KIF26B: variants seen among roughly 807,000 people sequenced by gnomAD.
The protein encoded by KIF26B is kinesin family member 26B.
A neutral mutation model predicts 151.2 loss-of-function variants in KIF26B; 63 were observed. The observed-to-expected ratio is 0.42, with a 90% CI of 0.34 to 0.51. The LOEUF is 0.51. Among genes scored for constraint, KIF26B ranks in the 20% least tolerant of loss-of-function variants. The probability of loss-of-function intolerance (pLI) is 0.07; values close to 1 mark genes in which losing one functional copy is unlikely to be tolerated. For synonymous variants in KIF26B, 1,357 were observed against 1,262.1 expected (o/e 1.08, Z -1.59); for missense variants, 2,813 against 2,913.6 (o/e 0.97, Z 0.79).
At chr1:245,297,207 G>T (rs971256413) in intron 2 of KIF26B, among the ~76,000 whole-genome samples, 1 of 152,174 alleles carries the variant, frequency 6.6e-6, no homozygotes, top group Non-Finnish European at 1.5e-5. Flanking sequence ...GCCGGTCGTG[G>T]TGGCACACAC....
At chr1:245,501,022 TATGTG>T (rs1266601507) in intron 4 of KIF26B, among the ~76,000 whole-genome samples, 1 of 152,200 alleles carries the variant, frequency 6.6e-6, no homozygotes, top group Non-Finnish European at 1.5e-5. Context: ...TTACTATGCG[TATGTG>T]ATGTGTTATA....
intron 9 of KIF26B, among the ~76,000 whole-genome samples, chr1:245,621,204 C>T (rs1475364179): frequency 1.3e-5 from 2 of 152,140 alleles, no homozygotes; most frequent in African/African-American, 4.8e-5. Flanking sequence ...GGAGGAACTA[C>T]GACGGTGCGG....
At chr1:245,169,518 A>G (rs1361307491) in intron 2 of KIF26B, among the ~76,000 whole-genome samples, 1 of 152,182 alleles carries the variant, frequency 6.6e-6, no homozygotes, top group Non-Finnish European at 1.5e-5. Context: ...AGCATTCAGC[A>G]GAGAAGGATG....
intron 4 of KIF26B, among the ~76,000 whole-genome samples, chr1:245,443,993 G>C (rs1268561804): frequency 7.2e-6 from 1 of 139,222 alleles, no homozygotes; most frequent in East Asian, 2.1e-4. Flanking sequence ...CTCCCTCACT[G>C]TTCACCTAGA....
intron 2 of KIF26B, among the ~76,000 whole-genome samples, chr1:245,160,410 A>G (rs925925594): frequency 1.3e-5 from 2 of 152,208 alleles, no homozygotes; most frequent in East Asian, 3.9e-4. Flanking sequence ...TGGCAAGAGC[A>G]TCTTTCCTGC....
chr1:245,451,585 C>CTTTTTTTTTTTTTTTT (rs58192966), intron 4 of KIF26B, among the ~76,000 whole-genome samples: 21 of 58,756 alleles, frequency 3.6e-4, no homozygotes, highest in African/African-American at 1.1e-3. Flanking sequence ...GAAGATCTAT[C>CTTTTTTTTTTTTTTTT]TTTTTTTTTT....
rs187673490 is a variant in KIF26B at position 245,643,262 on chromosome 1, T to C, written c.2099-2859T>C. ...TCAAAATATTATTTTCTGTTTTCTA[T>C]TTGTCCCATCTGATCTTTGTTCTCT... On this transcript the variant is annotated intron_variant, in intron 9 of 14. Coordinates refer to ENST00000407071, the MANE Select transcript of KIF26B (RefSeq NM_018012.4). 2.6e-5 allele frequency among the ~76,000 whole-genome samples: 4 copies of C among 152,344 alleles called. No individual in the cohort carries two copies. The East Asian group carries it at 7.7e-4, about 29-fold the overall frequency.
rs955536801 is a variant in KIF26B at position 245,204,708 on chromosome 1, C to T, written c.465+48025C>T. On this transcript the variant is annotated intron_variant, in intron 2 of 14. Transcript: ENST00000407071. ...ATCTCTTAAATTTCTCTTATGGCTT[C>T]GTCTCAACCACAGAGCAAATAATCC... 1.2e-4 allele frequency among the ~76,000 whole-genome samples: 18 copies of T among 152,028 alleles called. 1 individual carries two copies. Among genetic ancestry groups the T allele is most frequent in the African/African-American group, 3.6e-4 (15 of 41,398 alleles).
Position 245,218,212 on chromosome 1 carries a change from G to C in KIF26B, c.465+61529G>C, listed in dbSNP as rs1466748094. Among the ~76,000 whole-genome samples the C allele has an allele frequency of 2.0e-5, 3 of 152,200 alleles. 1 individual carries two copies. The highest frequency in any genetic ancestry group is 2.9e-5 in the Non-Finnish European group (2 of 68,036). ...CCAGCTTTCATGTCACCAGAGCAGT[G>C]ACATTCGGGCCCTCGGGGGCAGACT... On this transcript the variant is annotated intron_variant, in intron 2 of 14. Coordinates refer to ENST00000407071, the MANE Select transcript of KIF26B (RefSeq NM_018012.4). This position sits in a 1 kb window ranked among gnomAD's most constrained non-coding sequence, Gnocchi z 4.1.
intron 4 of KIF26B, among the ~76,000 whole-genome samples, chr1:245,449,804 C>G (rs773638408): frequency 7.2e-5 from 11 of 152,166 alleles, no homozygotes; most frequent in Non-Finnish European, 1.5e-4. Flanking sequence ...AATAGACAAA[C>G]TCAAAAGACA....
intron 10 of KIF26B, among the ~76,000 whole-genome samples, chr1:245,670,545 G>A (rs891873695): frequency 6.7e-6 from 1 of 150,100 alleles, no homozygotes; most frequent in East Asian, 2.0e-4. Context: ...AAAAAGAATT[G>A]AAAGCAGGAA....
chr1:245,390,017 C>T (rs1022846581), intron 3 of KIF26B, among the ~76,000 whole-genome samples: 9 of 152,094 alleles, frequency 5.9e-5, no homozygotes, highest in African/African-American at 9.7e-5. Flanking sequence ...TGTAATACTC[C>T]GACGCTATCT....
chr1:245,551,970 C>T (rs1771503), intron 5 of KIF26B, among the ~76,000 whole-genome samples: 14,783 of 152,074 alleles, frequency 0.097, 1,471 homozygotes, highest in African/African-American at 0.25. Context: ...GTCTCCTTAA[C>T]GAATGTAAGC....
chr1:245,686,307 C>T lies in KIF26B; in HGVS notation c.3324C>T (p.Ser1108=), dbSNP rs777236887. The change falls in exon 12 of 15, where the codon AGC becomes AGT. Residue 1108 remains serine, a synonymous_variant. Transcript: ENST00000407071. The surrounding 1 kb of genome is among the most constrained non-coding windows in gnomAD (Gnocchi z 5.6). ...CTCCCGCCCCACTGCCTCCCTCGAG[C>T]AAGGATTCCGGCGTGGCGTCTAGGG... The part of the protein sequence containing the change: ...LPSPAPLPPS[S]KDSGVASRES... The T allele has an allele frequency of 6.8e-6, 11 of 1,613,110 alleles. No individual in the cohort carries two copies. Among genetic ancestry groups the T allele is most frequent in the Non-Finnish European group, 9.3e-6 (11 of 1,179,862 alleles).
rs534130421 is a variant in KIF26B at position 245,229,959 on chromosome 1, C to T, written c.465+73276C>T. Among the ~76,000 whole-genome samples, 3 of 151,830 alleles carry T rather than the reference C, an allele frequency of 2.0e-5. No homozygotes were observed. The South Asian group carries it at 6.2e-4, about 32-fold the overall frequency. On this transcript the variant is annotated intron_variant, in intron 2 of 14. Coordinates refer to ENST00000407071, the MANE Select transcript of KIF26B (RefSeq NM_018012.4). ...ACCAGCCTGGCCAACATGGTAAAACCCCATCTCTACAAAAAATAGAAAAAT... is the reference window on the plus strand; with the variant it reads ...ACCAGCCTGGCCAACATGGTAAAACTCCATCTCTACAAAAAATAGAAAAAT...
chr1:245,169,327 T>TGGTGTGTGGGTGTG (rs1553330288), intron 2 of KIF26B, among the ~76,000 whole-genome samples: 157 of 135,468 alleles, frequency 1.2e-3, no homozygotes, highest in East Asian at 1.3e-3. Context: ...TAACGGGCCA[T>TGGTGTGTGGGTGTG]GGTGTGTGTG....
chr1:245,320,065 G>A (rs1422832252), intron 2 of KIF26B, among the ~76,000 whole-genome samples: 2 of 152,168 alleles, frequency 1.3e-5, no homozygotes, highest in Non-Finnish European at 2.9e-5. Flanking sequence ...ACATTATGAT[G>A]GTCCACGCTG....
At chr1:245,570,985 A>G (rs58319333) in intron 5 of KIF26B, among the ~76,000 whole-genome samples, 9,062 of 152,310 alleles carry the variant, frequency 0.059, 477 homozygotes, top group East Asian at 0.21. Context: ...ATGAGTGAAA[A>G]TATATCAGCG....
chr1:245,233,727 C>T (rs1290712276), intron 2 of KIF26B, among the ~76,000 whole-genome samples: 1 of 152,140 alleles, frequency 6.6e-6, no homozygotes, highest in Admixed American at 6.6e-5. Flanking sequence ...TATTTGTAAA[C>T]TTAACATGGG....
Sources: allele counts gnomAD v4.1 joint callset (sites outside exome capture counted in the v4.1 genomes callset), GRCh38; gene constraint gnomAD v4.1.1; non-coding constraint Gnocchi (gnomAD v3.1); transcripts MANE v1.5; gene names NCBI Gene and HGNC (gene_info 2026-07-23, HGNC 2026-07-21).